SNX9: variants seen among roughly 807,000 people sequenced by gnomAD.
SNX9 encodes sorting nexin-9.
A neutral mutation model predicts 89.4 loss-of-function variants in SNX9; 44 were observed. The observed-to-expected ratio is 0.49, with a 90% CI of 0.39 to 0.63. The LOEUF is 0.63. SNX9 is among the 30% of genes least tolerant of loss of function. SNX9 has a pLI of 0.00. For synonymous variants in SNX9, 236 were observed against 247.8 expected (o/e 0.95, Z 0.45); for missense variants, 578 against 736.1 (o/e 0.79, Z 2.49).
chr6:157,927,098 T>C lies in SNX9; in HGVS notation c.1081-13T>C. ...TGCTCTCCACTTGAACCTTACAACATTCTCATTTACAGGAATGGAAAACTG... is the reference window on the plus strand; with the variant it reads ...TGCTCTCCACTTGAACCTTACAACACTCTCATTTACAGGAATGGAAAACTG... On this transcript the variant is annotated splice_polypyrimidine_tract_variant and intron_variant, in intron 10 of 17. Coordinates refer to ENST00000392185, the MANE Select transcript of SNX9 (RefSeq NM_016224.5). 1 of 1,607,936 alleles carries C rather than the reference T, an allele frequency of 6.2e-7. No individual in the cohort carries two copies. The highest frequency in any genetic ancestry group is 1.7e-5 in the Admixed American group (1 of 60,012).
At chr6:157,837,276 T>C (rs756256338) in intron 1 of SNX9, among the ~76,000 whole-genome samples, 3 of 152,226 alleles carry the variant, frequency 2.0e-5, no homozygotes, top group Non-Finnish European at 4.4e-5. Flanking sequence ...CACATTACCA[T>C]GGAGGCTGGT....
intron 17 of SNX9, among the ~76,000 whole-genome samples, chr6:157,941,589 T>C (rs1251363728): frequency 6.6e-6 from 1 of 152,090 alleles, no homozygotes; most frequent in African/African-American, 2.4e-5. Context: ...GCAGGTAAGG[T>C]CTGTAATGTA....
intron 1 of SNX9, among the ~76,000 whole-genome samples, chr6:157,826,926 A>AGTTTATATAATATATAAATATATATTATG: frequency 1.0e-5 from 1 of 95,592 alleles, no homozygotes; most frequent in African/African-American, 5.9e-5. Context: ...AATATATTAT[A>AGTTTATATAATATATAAATATATATTATG]GTTTATATAA....
chr6:157,869,909 C>T (rs749560150), intron 2 of SNX9, among the ~76,000 whole-genome samples: 1 of 152,066 alleles, frequency 6.6e-6, no homozygotes, highest in East Asian at 1.9e-4. Context: ...GCACACACCT[C>T]GCACCCTCAT....
chr6:157,921,831 G>C (rs1225035303), intron 10 of SNX9, among the ~76,000 whole-genome samples, 170 bp downstream of exon 10: 1 of 152,242 alleles, frequency 6.6e-6, no homozygotes, highest in East Asian at 1.9e-4. Flanking sequence ...TTGTCATGAT[G>C]TGTGAAGAAC....
chr6:157,841,235 C>G (rs1278150549), intron 1 of SNX9, among the ~76,000 whole-genome samples: 1 of 152,150 alleles, frequency 6.6e-6, no homozygotes, highest in Non-Finnish European at 1.5e-5. Flanking sequence ...TGAATTAGAT[C>G]ACTGGAATTT....
At chr6:157,859,673 T>G (rs117402198) in intron 1 of SNX9, among the ~76,000 whole-genome samples, 2,116 of 152,304 alleles carry the variant, frequency 0.014, 19 homozygotes, top group South Asian at 0.03. Flanking sequence ...TCTGCCAGAT[T>G]AATTTGTCTC....
intron 5 of SNX9, among the ~76,000 whole-genome samples, chr6:157,900,288 C>T (rs1783068598): frequency 6.6e-6 from 1 of 151,840 alleles, no homozygotes; most frequent in Admixed American, 6.6e-5. Context: ...CAATTTGGGT[C>T]CTTTGTCCAT....
At position 157,925,246 on chromosome 6, in the gene SNX9, G is replaced by GGTGGAAGAGCA. The variant is rs1183952279; in HGVS notation, c.1081-1865_1081-1864insGTGGAAGAGCA. Among the ~76,000 whole-genome samples, 550 of 152,104 alleles carry GGTGGAAGAGCA rather than the reference G, an allele frequency of 3.6e-3. 3 individuals carry two copies. The highest frequency in any genetic ancestry group is 0.013 in the African/African-American group (523 of 41,380). ...TATCTGAATCAACAACAGATGTGTA[G>GGTGGAAGAGCA]AAAAGTACCTAATCTCATTAGCAAT... On this transcript the variant is annotated intron_variant, in intron 10 of 17. Coordinates refer to ENST00000392185, the MANE Select transcript of SNX9 (RefSeq NM_016224.5).
chr6:157,941,116 T>C (rs1475631936), intron 17 of SNX9, 142 bp downstream of exon 17: 1 of 690,690 alleles, frequency 1.4e-6, no homozygotes, highest in Non-Finnish European at 2.4e-6. Flanking sequence ...GACAGGATTT[T>C]TTTAATCTCC....
chr6:157,838,422 A>G (rs1163500118), intron 1 of SNX9, among the ~76,000 whole-genome samples: 1 of 152,176 alleles, frequency 6.6e-6, no homozygotes, highest in African/African-American at 2.4e-5. Context: ...TGGAGAACAC[A>G]GACACTTAGA....
At chr6:157,833,984 G>A (rs117865671) in intron 1 of SNX9, among the ~76,000 whole-genome samples, 2,238 of 152,024 alleles carry the variant, frequency 0.015, 23 homozygotes, top group Non-Finnish European at 0.021. Context: ...GTCTCTCCAC[G>A]CTGGGGGCTA....
chr6:157,942,529 G>A (rs759742060), intron 17 of SNX9, among the ~76,000 whole-genome samples: 11 of 152,244 alleles, frequency 7.2e-5, no homozygotes, highest in African/African-American at 1.4e-4. Flanking sequence ...TGGAAGCGCC[G>A]CTAGGGCAGA....
chr6:157,855,418 G>A (rs1156256778), intron 1 of SNX9, among the ~76,000 whole-genome samples: 3 of 152,224 alleles, frequency 2.0e-5, no homozygotes, highest in Non-Finnish European at 4.4e-5. Context: ...AGACTTTCTC[G>A]TTAAGATACA....
intron 9 of SNX9, among the ~76,000 whole-genome samples, chr6:157,910,388 T>C (rs1253905052): frequency 6.6e-6 from 1 of 152,142 alleles, no homozygotes; most frequent in East Asian, 1.9e-4. Flanking sequence ...AAAATGGAAA[T>C]AAAAATGTAT....
chr6:157,891,443 C>T (rs1782859114), intron 4 of SNX9, among the ~76,000 whole-genome samples: 1 of 152,164 alleles, frequency 6.6e-6, no homozygotes, highest in Non-Finnish European at 1.5e-5. Flanking sequence ...AAGGCAAAGT[C>T]TTAGTATACA....
intron 17 of SNX9, 42 bp from the exon 18 acceptor site, chr6:157,942,749 G>A: frequency 6.2e-7 from 1 of 1,605,180 alleles, no homozygotes; most frequent in South Asian, 1.1e-5. Context: ...GGTCGTAATG[G>A]GAGTGATATC....
Position 157,910,076 on chromosome 6 carries a change from C to T in SNX9, c.949+51C>T, listed in dbSNP as rs767037718. ...GGATGACAAATAGAAAGACTCCAGTCAGATTATCTTCCTGTAAGTCAGTGA... is the reference window on the plus strand; with the variant it reads ...GGATGACAAATAGAAAGACTCCAGTTAGATTATCTTCCTGTAAGTCAGTGA... On this transcript the variant is annotated intron_variant, in intron 9 of 17. Coordinates refer to ENST00000392185, the MANE Select transcript of SNX9 (RefSeq NM_016224.5). 1.4e-5 allele frequency: 20 copies of T among 1,393,374 alleles called. No homozygotes were observed. In the Admixed American group the frequency reaches 3.2e-4, roughly 22 times the overall value. 86.3% of individuals were successfully genotyped at this position (1,393,374 alleles called of 1,614,324 possible).
intron 4 of SNX9, among the ~76,000 whole-genome samples, chr6:157,894,101 C>CT (rs1782921761): frequency 9.7e-6 from 1 of 103,354 alleles, no homozygotes; most frequent in African/African-American, 3.7e-5. Flanking sequence ...TTTCGCTTTT[C>CT]TTTTCTTTTT....
Sources: allele counts gnomAD v4.1 joint callset (sites outside exome capture counted in the v4.1 genomes callset), GRCh38; gene constraint gnomAD v4.1.1; transcripts MANE v1.5; gene names NCBI Gene and HGNC (gene_info 2026-07-23, HGNC 2026-07-21).